The following ASTN2 variants were observed in gnomAD, a reference collection of about 807,000 sequenced individuals.
ASTN2 encodes astrotactin 2, also known as astrotactin-2.
Under a neutral mutation model 139.8 loss-of-function variants are expected in ASTN2, and 54 were observed. The ratio of observed to expected loss-of-function variants is 0.39; its 90% CI spans 0.31 to 0.48. The LOEUF is 0.48. ASTN2 is among the 20% of genes least tolerant of loss of function. The pLI, the probability that ASTN2 is intolerant of heterozygous loss-of-function variation, is 0.95. For missense variants in ASTN2, 1,565 were observed against 1,725.1 expected, an observed-to-expected ratio of 0.91 and a Z score of 1.64; for synonymous variants, 756 against 719.5, an observed-to-expected ratio of 1.05 and a Z score of -0.81.
chr9:116,602,080 C>T (rs1854929854), intron 19 of ASTN2, among the ~76,000 whole-genome samples: 1 of 152,150 alleles, frequency 6.6e-6, no homozygotes, highest in African/African-American at 2.4e-5. Flanking sequence ...ATGTTTCAGA[C>T]CCTGTAGAAT....
intron 7 of ASTN2, among the ~76,000 whole-genome samples, chr9:117,002,015 A>G (rs1837206375): frequency 6.6e-6 from 1 of 152,178 alleles, no homozygotes; most frequent in Non-Finnish European, 1.5e-5. Flanking sequence ...TACAAAGTGG[A>G]TCTGAGTTAA....
intron 1 of ASTN2, among the ~76,000 whole-genome samples, chr9:117,332,962 G>A (rs1369247897): frequency 2.6e-5 from 4 of 152,192 alleles, no homozygotes; most frequent in African/African-American, 7.2e-5. Context: ...ACTAGTGGTT[G>A]CTTAGGGGAG....
intron 10 of ASTN2, among the ~76,000 whole-genome samples, chr9:116,910,674 T>C (rs1221494152): frequency 6.6e-6 from 1 of 151,550 alleles, no homozygotes; most frequent in African/African-American, 2.4e-5. Context: ...ACAGGAAGAG[T>C]GCCCATCATA....
chr9:116,514,056 T>C (rs535817649), intron 19 of ASTN2, among the ~76,000 whole-genome samples: 9 of 152,088 alleles, frequency 5.9e-5, no homozygotes, highest in Admixed American at 5.9e-4. Context: ...GCTGCGTTCC[T>C]TTGGAGGTGG....
intron 5 of ASTN2, among the ~76,000 whole-genome samples, chr9:117,046,305 C>T (rs143603518): frequency 3.0e-4 from 46 of 152,132 alleles, no homozygotes; most frequent in African/African-American, 9.9e-4. Flanking sequence ...CCGGACTGAG[C>T]TTTGGTTTTA....
rs547875947 is a variant in ASTN2 at position 116,553,200 on chromosome 9, G to A, written c.3355+65124C>T. Among the ~76,000 whole-genome samples, 32 of 152,170 alleles carry A rather than the reference G, an allele frequency of 2.1e-4. No homozygotes were observed. In the South Asian group the frequency reaches 6.4e-3, roughly 31 times the overall value. On this transcript the variant is annotated intron_variant, in intron 19 of 22. Transcript: ENST00000313400. Reference sequence around the variant, plus strand: ...TCTGTGGACCTGCAGACGTGCCAGGGAAGAAGCCAGAAAGTCTACCTTTGA... The same window carrying A: ...TCTGTGGACCTGCAGACGTGCCAGGAAAGAAGCCAGAAAGTCTACCTTTGA...
rs547981423 is a variant in ASTN2 at position 117,078,520 on chromosome 9, G to T, written c.1276+17524C>A. 1.7e-3 allele frequency among the ~76,000 whole-genome samples: 260 copies of T among 152,298 alleles called. 2 individuals carry two copies. Among genetic ancestry groups the T allele is most frequent in the Admixed American group, 2.5e-3 (39 of 15,298 alleles). ...ATGTTATTAGAAGCACCGAATTGGAGAATCAGGAAAGACATTACAGAATTG... is the reference window on the plus strand; with the variant it reads ...ATGTTATTAGAAGCACCGAATTGGATAATCAGGAAAGACATTACAGAATTG... On this transcript the variant is annotated intron_variant, in intron 5 of 22. Coordinates refer to ENST00000313400, the MANE Select transcript of ASTN2 (RefSeq NM_001365068.1).
rs564735654 is a variant in ASTN2 at position 116,977,294 on chromosome 9, G to A, written c.1592-509C>T. On this transcript the variant is annotated intron_variant, in intron 7 of 22. Transcript: ENST00000313400. ...CCCCTTTCAGAAAAACCTGTCTGTA[G>A]TCTCCTGGTTTTATTTTGTGTTGCT... is the stretch of plus-strand genomic sequence containing the variant. Among the ~76,000 whole-genome samples, 129 of 152,206 alleles carry A rather than the reference G, an allele frequency of 8.5e-4. 1 individual carries two copies. Among genetic ancestry groups the A allele is most frequent in the Admixed American group, 3.9e-4 (6 of 15,302 alleles).
rs567541655 is a variant in ASTN2 at position 117,228,005 on chromosome 9, C to T, written c.631-13263G>A. 2.6e-5 allele frequency among the ~76,000 whole-genome samples: 4 copies of T among 152,210 alleles called. No individual in the cohort carries two copies. In the South Asian group the frequency reaches 8.3e-4, roughly 32 times the overall value. On this transcript the variant is annotated intron_variant, in intron 2 of 22. Transcript: ENST00000313400. ...GGTGTCAATAATGTGGCTCAAAAAA[C>T]ACTGGATTTGGGTTCAAATTCTGAC... is the stretch of plus-strand genomic sequence containing the variant.
At chr9:116,491,968 TGAG>T (rs946922725) in intron 19 of ASTN2, among the ~76,000 whole-genome samples, 4 of 152,120 alleles carry the variant, frequency 2.6e-5, no homozygotes, top group African/African-American at 9.7e-5. Context: ...ATATGTAAAA[TGAG>T]GAGAATAATA....
chr9:117,221,853 A>G (rs1389210724), intron 2 of ASTN2, among the ~76,000 whole-genome samples: 4 of 151,530 alleles, frequency 2.6e-5, no homozygotes, highest in Admixed American at 2.6e-4. Context: ...AGAAGAAAAA[A>G]AAAAAAGAAA....
At chr9:116,790,590 C>A (rs1830501395) in intron 13 of ASTN2, among the ~76,000 whole-genome samples, 1 of 152,090 alleles carries the variant, frequency 6.6e-6, no homozygotes, top group Non-Finnish European at 1.5e-5. Flanking sequence ...GTCTTCGCTG[C>A]CTCTCACTGA....
At chr9:117,361,300 T>A (rs894655949) in intron 1 of ASTN2, among the ~76,000 whole-genome samples, 17 of 152,304 alleles carry the variant, frequency 1.1e-4, no homozygotes, top group Middle Eastern at 3.4e-3. Flanking sequence ...GAAACAGGAT[T>A]CACCTAAGTG....
At chr9:117,390,630 C>T (rs550870473) in intron 1 of ASTN2, among the ~76,000 whole-genome samples, 4 of 152,102 alleles carry the variant, frequency 2.6e-5, no homozygotes, top group Non-Finnish European at 5.9e-5. Context: ...TTTCACTTAG[C>T]AATATGCTTT....
At chr9:116,544,755 AAC>A (rs1852020581) in intron 19 of ASTN2, among the ~76,000 whole-genome samples, 1 of 152,190 alleles carries the variant, frequency 6.6e-6, no homozygotes, top group Non-Finnish European at 1.5e-5. Flanking sequence ...CACAGGAGCA[AAC>A]ACAACAGCAG....
intron 19 of ASTN2, among the ~76,000 whole-genome samples, chr9:116,512,525 G>C (rs1469012942): frequency 1.3e-5 from 2 of 152,174 alleles, no homozygotes; most frequent in South Asian, 2.1e-4. Context: ...GGTCCGCTTG[G>C]TGTAGAGTTG....
rs188622250 is a variant in ASTN2, at chr9:116,431,483, C to A, written c.3783-5395G>T. ...CGGGCTCCATCTGGAGAACCCCCGA[C>A]ACTTCTGGTAAGAGGGACACATGTA... On this transcript the variant is annotated intron_variant, in intron 22 of 22. Transcript: ENST00000313400. Among the ~76,000 whole-genome samples the A allele has an allele frequency of 1.1e-3, 162 of 152,232 alleles. 1 individual carries two copies. Among genetic ancestry groups the A allele is most frequent in the Non-Finnish European group, 2.0e-3 (134 of 68,030 alleles).
chr9:117,123,613 G>T (rs1448353907), intron 4 of ASTN2, among the ~76,000 whole-genome samples: 3 of 152,070 alleles, frequency 2.0e-5, no homozygotes, highest in African/African-American at 4.8e-5. Flanking sequence ...TAGAGTACTG[G>T]CTGAATGTAA....
intron 10 of ASTN2, among the ~76,000 whole-genome samples, chr9:116,960,714 T>G (rs1214825294): frequency 6.6e-6 from 1 of 152,086 alleles, no homozygotes; most frequent in Non-Finnish European, 1.5e-5. Flanking sequence ...AAAATCCCCC[T>G]CTTTAAAATC....
Sources: gnomAD v4.1 joint callset for allele counts (sites outside exome capture counted in the v4.1 genomes callset) on GRCh38, gnomAD v4.1.1 for gene constraint, MANE v1.5 for transcripts, NCBI Gene and HGNC (gene_info 2026-07-23, HGNC 2026-07-21) for gene names.